SYNPO2: variants seen among roughly 807,000 people sequenced by gnomAD.
The protein encoded by SYNPO2 is synaptopodin-2.
SYNPO2 carries 56 observed loss-of-function variants against 85.0 expected under a neutral mutation model. The ratio of observed to expected loss-of-function variants is 0.66; its 90% CI spans 0.53 to 0.82. The LOEUF (loss-of-function observed/expected upper bound fraction) is 0.82, where lower values mean the gene tolerates loss of function less well. Among genes scored for constraint, SYNPO2 ranks in the 40% least tolerant of loss-of-function variants. The pLI is 0.00. For missense variants in SYNPO2, 1,575 were observed against 1,534.2 expected, an observed-to-expected ratio of 1.03 and a Z score of -0.44; for synonymous variants, 602 against 591.1, an observed-to-expected ratio of 1.02 and a Z score of -0.27.
intron 1 of SYNPO2, among the ~76,000 whole-genome samples, chr4:118,920,075 G>C (rs1384450106): frequency 6.6e-6 from 1 of 152,180 alleles, no homozygotes; most frequent in African/African-American, 2.4e-5. Context: ...TAGTGGTAGA[G>C]AAGAGGAGAT....
chr4:118,908,779 G>A (rs1045381800), intron 1 of SYNPO2, among the ~76,000 whole-genome samples: 2 of 152,088 alleles, frequency 1.3e-5, no homozygotes, highest in Admixed American at 1.3e-4. Context: ...TATAGGGTCC[G>A]TTTCAAGAGA....
chr4:119,014,638 T>A (rs1362959678), intron 1 of SYNPO2, among the ~76,000 whole-genome samples: 1 of 152,184 alleles, frequency 6.6e-6, no homozygotes. Flanking sequence ...ATCTTTGAAG[T>A]CCTTAATTAT....
At chr4:119,013,379 TG>T (rs1737404962) in intron 1 of SYNPO2, among the ~76,000 whole-genome samples, 1 of 152,248 alleles carries the variant, frequency 6.6e-6, no homozygotes, top group Non-Finnish European at 1.5e-5. Flanking sequence ...GCACTTTGGC[TG>T]GATACTGAAA....
intron 1 of SYNPO2, among the ~76,000 whole-genome samples, chr4:118,859,239 C>T (rs1249744262): frequency 6.6e-6 from 1 of 152,084 alleles, no homozygotes; most frequent in Non-Finnish European, 1.5e-5. Context: ...AAGCAAGTTA[C>T]ATTATTTTTA....
chr4:119,029,604 T>C (rs1250211938), intron 3 of SYNPO2, among the ~76,000 whole-genome samples: 10 of 152,176 alleles, frequency 6.6e-5, no homozygotes, highest in African/African-American at 9.6e-5. Flanking sequence ...ATGAAACATA[T>C]ATTCTAATCA....
intron 4 of SYNPO2, chr4:119,041,980 A>G (rs1167370395): frequency 3.3e-5 from 5 of 152,200 alleles, no homozygotes; most frequent in Admixed American, 2.0e-4. Context: ...AACCACTTAA[A>G]TCAACTTTAT....
Position 119,027,206 on chromosome 4 carries a change from G to A in SYNPO2, c.837G>A (p.Ala279=), listed in dbSNP as rs1438571832. 5 of 1,614,138 alleles carry A rather than the reference G, an allele frequency of 3.1e-6. 1 individual carries two copies. In the South Asian group the frequency reaches 3.3e-5, roughly 11 times the overall value. Residue 279 remains alanine, a synonymous_variant, in exon 3 of 5, where the codon GCG becomes GCA. Coordinates refer to ENST00000307142, the MANE Select transcript of SYNPO2 (RefSeq NM_133477.3). ...TCCAGGAAAGTGAAGCAGGAGATGCGGGACTGCCCCGGGTGGAAGTGATCC... is the reference window on the plus strand; with the variant it reads ...TCCAGGAAAGTGAAGCAGGAGATGCAGGACTGCCCCGGGTGGAAGTGATCC... The part of the protein sequence containing the change: ...RVIQESEAGD[A]GLPRVEVILD...
intron 1 of SYNPO2, among the ~76,000 whole-genome samples, chr4:118,914,140 G>A (rs1483752587): frequency 2.0e-5 from 3 of 152,150 alleles, no homozygotes; most frequent in African/African-American, 7.2e-5. Context: ...GGATGACAAA[G>A]GGATGGATGT....
chr4:119,044,424 A>ATGTGG (rs1247592083), intron 4 of SYNPO2, among the ~76,000 whole-genome samples: 1 of 152,206 alleles, frequency 6.6e-6, no homozygotes, highest in Non-Finnish European at 1.5e-5. Flanking sequence ...TGGACCAGAG[A>ATGTGG]TGTGATAAAG....
At chr4:118,881,583 T>A (rs1354295621) in intron 1 of SYNPO2, among the ~76,000 whole-genome samples, 4 of 152,202 alleles carry the variant, frequency 2.6e-5, no homozygotes, top group Non-Finnish European at 4.4e-5. Flanking sequence ...AGCCCTGGGC[T>A]TTGTGTAAAA....
chr4:118,997,686 G>C (rs868243319), intron 1 of SYNPO2, among the ~76,000 whole-genome samples: 3 of 152,168 alleles, frequency 2.0e-5, no homozygotes, highest in African/African-American at 7.2e-5. Flanking sequence ...ACTTGCACCA[G>C]GCAGAGCAAA....
chr4:119,021,652 T>C (rs983463509), intron 1 of SYNPO2, among the ~76,000 whole-genome samples: 3 of 152,144 alleles, frequency 2.0e-5, no homozygotes, highest in African/African-American at 7.2e-5. Flanking sequence ...GAATTCAATA[T>C]AATGCAATGC....
chr4:118,873,424 G>A (rs1165218701), intron 1 of SYNPO2, among the ~76,000 whole-genome samples: 1 of 151,614 alleles, frequency 6.6e-6, no homozygotes, highest in South Asian at 2.1e-4. Flanking sequence ...TCTTATTGTG[G>A]CTTTAATTTG....
rs1232751362 is a variant in SYNPO2 at position 119,027,167 on chromosome 4, A to G, written c.798A>G (p.Arg266=). The part of the protein sequence containing the change: ...SSKIIQISSG[R]ELRVIQESEA... Reference sequence around the variant, plus strand: ...AGATAATCCAGATCTCCAGTGGCAGAGAGTTGAGAGTGATCCAGGAAAGTG... The same window carrying G: ...AGATAATCCAGATCTCCAGTGGCAGGGAGTTGAGAGTGATCCAGGAAAGTG... Residue 266 remains arginine, a synonymous_variant, in exon 3 of 5, where the codon AGA becomes AGG. Transcript: ENST00000307142. 1.2e-6 allele frequency: 2 copies of G among 1,614,178 alleles called. No homozygotes were observed. The highest frequency in any genetic ancestry group is 3.3e-5 in the Admixed American group (2 of 60,020).
intron 1 of SYNPO2, among the ~76,000 whole-genome samples, chr4:118,881,269 T>C (rs1431705143): frequency 1.4e-5 from 2 of 144,230 alleles, no homozygotes; most frequent in Admixed American, 7.2e-5. Context: ...ACCACTGGAC[T>C]CCAGCCTGGG....
chr4:119,042,769 G>T (rs1738753868), intron 4 of SYNPO2: 1 of 152,200 alleles, frequency 6.6e-6, no homozygotes, highest in East Asian at 1.9e-4. Context: ...ACGGAACAAA[G>T]AAACAGGCAG....
chr4:118,997,205 A>C (rs1736637514), intron 1 of SYNPO2, among the ~76,000 whole-genome samples: 1 of 139,676 alleles, frequency 7.2e-6, no homozygotes, highest in Non-Finnish European at 1.5e-5. Context: ...CCGCCACTGC[A>C]CTCCAGCCTG....
At chr4:119,020,043 C>A (rs183913273) in intron 1 of SYNPO2, among the ~76,000 whole-genome samples, 3 of 152,102 alleles carry the variant, frequency 2.0e-5, no homozygotes. Flanking sequence ...TATAAAAATA[C>A]GTAATTACGC....
At chr4:118,866,838 T>A (rs138524765) in intron 1 of SYNPO2, among the ~76,000 whole-genome samples, 2 of 152,350 alleles carry the variant, frequency 1.3e-5, no homozygotes, top group East Asian at 3.9e-4. Context: ...ACCAGCCATG[T>A]GGAACTGTAA....
Sources: allele counts gnomAD v4.1 joint callset (sites outside exome capture counted in the v4.1 genomes callset), GRCh38; gene constraint gnomAD v4.1.1; transcripts MANE v1.5; gene names NCBI Gene and HGNC (gene_info 2026-07-23, HGNC 2026-07-21).